Variants in MEIS2 observed in about 807,000 individuals in gnomAD.
The protein encoded by MEIS2 is homeobox protein Meis2.
Under a neutral mutation model 58.6 loss-of-function variants are expected in MEIS2, and 9 were observed. That is an observed-to-expected ratio of 0.15 (90% confidence interval 0.09 to 0.27). The LOEUF (loss-of-function observed/expected upper bound fraction) is 0.27. Among genes scored for constraint, MEIS2 ranks in the 10% least tolerant of loss-of-function variants. The pLI, the probability that MEIS2 is intolerant of heterozygous loss-of-function variation, is 1.00. For missense variants in MEIS2, 427 were observed against 635.0 expected (o/e 0.67, Z 3.52); for synonymous variants, 221 against 228.4 (o/e 0.97, Z 0.29).
chr15:36,917,348 T>C (rs2057324590), intron 9 of MEIS2, among the ~76,000 whole-genome samples: 1 of 152,296 alleles, frequency 6.6e-6, no homozygotes, highest in Middle Eastern at 3.4e-3. Flanking sequence ...AGAATGTGCA[T>C]GGAATTCTGT....
At chr15:36,907,664 A>G (rs1395256432) in intron 9 of MEIS2, among the ~76,000 whole-genome samples, 1 of 152,202 alleles carries the variant, frequency 6.6e-6, no homozygotes, top group African/African-American at 2.4e-5. Context: ...CTTTCTTTAA[A>G]TTGTAGCTTG....
At chr15:36,893,338 G>T (rs771184212) in intron 11 of MEIS2, among the ~76,000 whole-genome samples, 7 of 152,184 alleles carry the variant, frequency 4.6e-5, no homozygotes, top group Non-Finnish European at 1.0e-4. Flanking sequence ...TTGAAAAGCT[G>T]AACAGATGTT....
At chr15:36,935,266 C>T (rs185434989) in intron 9 of MEIS2, among the ~76,000 whole-genome samples, 96 of 146,688 alleles carry the variant, frequency 6.5e-4, no homozygotes, top group African/African-American at 2.3e-3. Flanking sequence ...TGTTTTTGTT[C>T]AGCCTCCCTC....
At chr15:36,960,632 A>T (rs1055318432) in intron 8 of MEIS2, among the ~76,000 whole-genome samples, 4 of 152,166 alleles carry the variant, frequency 2.6e-5, no homozygotes, top group Admixed American at 6.5e-5. Flanking sequence ...TTTTTCTAAC[A>T]TACACAGAGA....
At chr15:36,952,081 AT>A (rs1389868727) in intron 8 of MEIS2, among the ~76,000 whole-genome samples, 1 of 152,172 alleles carries the variant, frequency 6.6e-6, no homozygotes, top group Non-Finnish European at 1.5e-5. Context: ...TAACACTCTG[AT>A]TCGTCCAAAC....
At chr15:37,057,306 T>C (rs1888564646) in intron 7 of MEIS2, among the ~76,000 whole-genome samples, 1 of 152,208 alleles carries the variant, frequency 6.6e-6, no homozygotes, top group Admixed American at 6.5e-5. Context: ...CTTCCTACAA[T>C]TCCACCTGCC....
rs1478230893 is a variant in MEIS2 at position 36,889,681 on chromosome 15, C to A, written c.*2492G>T. 2.0e-5 allele frequency: 3 copies of A among 152,064 alleles called. No homozygotes were observed. Among genetic ancestry groups the A allele is most frequent in the African/African-American group, 4.8e-5 (2 of 41,392 alleles). The allele number at this position is 152,064 out of a possible 1,614,324, so 9.4% of individuals were successfully genotyped here. On this transcript the variant is annotated 3_prime_UTR_variant, in exon 12 of 12. Transcript: ENST00000561208. Reference sequence around the variant, plus strand: ...AACACGAGCCAATTGCCAAGGAAACCCTTCAGAATTTACTGAGTGGAAAGA... The same window carrying A: ...AACACGAGCCAATTGCCAAGGAAACACTTCAGAATTTACTGAGTGGAAAGA...
intron 9 of MEIS2, among the ~76,000 whole-genome samples, chr15:36,919,891 A>G (rs181069435): frequency 6.0e-4 from 92 of 152,318 alleles, no homozygotes; most frequent in African/African-American, 1.9e-3. Flanking sequence ...ATGGATGAGC[A>G]TAAACACAAT....
intron 8 of MEIS2, among the ~76,000 whole-genome samples, chr15:37,020,523 T>C (rs2061490445): frequency 6.6e-6 from 1 of 152,172 alleles, no homozygotes; most frequent in Admixed American, 6.5e-5. Flanking sequence ...TCCTCTTTCC[T>C]GCCTCCATCC....
chr15:36,997,439 A>G (rs1314644346), intron 8 of MEIS2, among the ~76,000 whole-genome samples: 1 of 151,862 alleles, frequency 6.6e-6, no homozygotes, highest in Non-Finnish European at 1.5e-5. Context: ...GGGCCCATGG[A>G]TAATACATAA....
chr15:37,036,493 G>A (rs939501165), intron 8 of MEIS2: 53 of 171,432 alleles, frequency 3.1e-4, no homozygotes, highest in African/African-American at 1.2e-3. Flanking sequence ...ATTTCCCTTG[G>A]TTGCTGTTGC....
intron 8 of MEIS2, among the ~76,000 whole-genome samples, chr15:36,956,608 A>C (rs1194785126): frequency 6.6e-6 from 1 of 152,192 alleles, no homozygotes; most frequent in Non-Finnish European, 1.5e-5. Context: ...TAAGTCAGTA[A>C]AATGTGTGCC....
chr15:36,992,861 G>A (rs2060346479), intron 8 of MEIS2, among the ~76,000 whole-genome samples: 1 of 152,156 alleles, frequency 6.6e-6, no homozygotes. Flanking sequence ...TTTGCCTTGA[G>A]ATATTTAGAA....
Position 36,958,661 on chromosome 15 carries a change from T to C in MEIS2, c.901-8261A>G, listed in dbSNP as rs1338790911. Among the ~76,000 whole-genome samples the C allele has an allele frequency of 2.0e-5, 3 of 152,186 alleles. No homozygotes were observed. The East Asian group carries it at 5.8e-4, about 29-fold the overall frequency. ...ACTGAGACTTTAAAGCTGAGCACAA[T>C]CTTATTTTGAATATAACAGAAATAT... is the stretch of plus-strand genomic sequence containing the variant. On this transcript the variant is annotated intron_variant, in intron 8 of 11. Coordinates refer to ENST00000561208, the MANE Select transcript of MEIS2 (RefSeq NM_170675.5).
chr15:37,077,043 C>T (rs1891516800), intron 7 of MEIS2, among the ~76,000 whole-genome samples: 3 of 151,968 alleles, frequency 2.0e-5, no homozygotes, highest in African/African-American at 7.3e-5. Context: ...TTAACTCAGT[C>T]GTGAAATGAT....
intron 9 of MEIS2, among the ~76,000 whole-genome samples, chr15:36,904,601 T>C (rs4405501): frequency 0.72 from 108,652 of 151,664 alleles, 39,786 homozygotes; most frequent in Non-Finnish European, 0.79. Flanking sequence ...GGCATTACAC[T>C]CTTTGAATCA....
chr15:37,091,083 A>T (rs926902738), intron 6 of MEIS2, among the ~76,000 whole-genome samples: 1 of 152,188 alleles, frequency 6.6e-6, no homozygotes, highest in African/African-American at 2.4e-5. Context: ...GCACATTTAC[A>T]TGCTGAAAAT....
At chr15:37,016,867 C>T (rs1052072471) in intron 8 of MEIS2, among the ~76,000 whole-genome samples, 1 of 152,144 alleles carries the variant, frequency 6.6e-6, no homozygotes, top group Non-Finnish European at 1.5e-5. Context: ...AAAATTTTAT[C>T]GTGAAGGCAC....
rs768910803 is a variant in MEIS2 at position 37,094,466 on chromosome 15, C to T, written c.489+61G>A. 1.0e-5 allele frequency: 16 copies of T among 1,544,314 alleles called. 1 individual carries two copies. The South Asian group carries it at 1.6e-4, about 16-fold the overall frequency. The stretch of plus-strand genomic sequence containing the variant: ...ACACTAGAGGTTTGTTAAAAACATC[C>T]CAACTCAACTAGGAGAGGGAAATGG... On this transcript the variant is annotated intron_variant, in intron 5 of 11. Coordinates refer to ENST00000561208, the MANE Select transcript of MEIS2 (RefSeq NM_170675.5).
Sources: allele counts gnomAD v4.1 joint callset (sites outside exome capture counted in the v4.1 genomes callset), GRCh38; gene constraint gnomAD v4.1.1; transcripts MANE v1.5; gene names NCBI Gene and HGNC (gene_info 2026-07-23, HGNC 2026-07-21).